RBM6: variants seen among roughly 807,000 people sequenced by gnomAD.
RBM6 encodes RNA binding motif protein 6, also known as RNA-binding protein 6.
A neutral mutation model predicts 140.4 loss-of-function variants in RBM6; 23 were observed. That is an observed-to-expected ratio of 0.16 (90% CI 0.12 to 0.23). The LOEUF (loss-of-function observed/expected upper bound fraction) is 0.23. Ranked by LOEUF, RBM6 falls within the 10% of genes least tolerant of loss-of-function variation. The probability of loss-of-function intolerance (pLI) is 1.00; values close to 1 mark genes in which losing one functional copy is unlikely to be tolerated. For synonymous variants in RBM6, 439 were observed against 475.6 expected (o/e 0.92, Z 1.00); for missense variants, 1,139 against 1,386.7 (o/e 0.82, Z 2.84).
intron 1 of RBM6, among the ~76,000 whole-genome samples, chr3:49,955,622 C>T (rs1281285690): frequency 1.3e-5 from 2 of 151,872 alleles, no homozygotes; most frequent in African/African-American, 4.8e-5. Flanking sequence ...GCGGGTGGAT[C>T]ACCTGAGGTT....
chr3:50,014,457 A>G (rs748104055), intron 6 of RBM6, among the ~76,000 whole-genome samples: 3 of 152,218 alleles, frequency 2.0e-5, no homozygotes, highest in Non-Finnish European at 4.4e-5. Context: ...GAAAAAACAA[A>G]CAAGTTGAGA....
chr3:50,001,117 C>T (rs938542531), intron 6 of RBM6, among the ~76,000 whole-genome samples: 3 of 152,080 alleles, frequency 2.0e-5, no homozygotes, highest in South Asian at 2.1e-4. Flanking sequence ...ATAGATTCAA[C>T]CAAATGCTGA....
chr3:50,056,603 T>G (rs2089712757), intron 8 of RBM6, among the ~76,000 whole-genome samples: 1 of 152,166 alleles, frequency 6.6e-6, no homozygotes, highest in Non-Finnish European at 1.5e-5. Flanking sequence ...CATGAATAGA[T>G]AGTGTATGAA....
intron 6 of RBM6, among the ~76,000 whole-genome samples, chr3:50,048,021 A>G (rs542110098): frequency 1.3e-5 from 2 of 152,324 alleles, no homozygotes; most frequent in South Asian, 4.1e-4. Flanking sequence ...CCAAGGCCGA[A>G]GACTGATTTC....
chr3:50,045,404 C>G (rs111918449), intron 6 of RBM6, among the ~76,000 whole-genome samples: 1 of 152,264 alleles, frequency 6.6e-6, no homozygotes, highest in African/African-American at 2.4e-5. Flanking sequence ...ACCAGGTCCT[C>G]CAGGGATAGT....
chr3:50,012,558 C>T (rs984158162), intron 6 of RBM6, among the ~76,000 whole-genome samples: 28 of 151,438 alleles, frequency 1.8e-4, no homozygotes, highest in Admixed American at 9.9e-4. Context: ...GGGGTTTCAC[C>T]GTGTTAGCCA....
At chr3:50,026,004 C>A (rs2087794763) in intron 6 of RBM6, among the ~76,000 whole-genome samples, 1 of 151,992 alleles carries the variant, frequency 6.6e-6, no homozygotes, top group African/African-American at 2.4e-5. Flanking sequence ...CGAGGCAGAA[C>A]TGCTTGGAGA....
intron 5 of RBM6, among the ~76,000 whole-genome samples, chr3:49,984,343 A>C (rs1428826908): frequency 1.3e-5 from 2 of 152,180 alleles, no homozygotes; most frequent in Non-Finnish European, 2.9e-5. Context: ...ATGGTAGCTC[A>C]CGCCTATAAT....
chr3:49,987,580 G>T (rs1172134971), intron 5 of RBM6, among the ~76,000 whole-genome samples: 2 of 151,734 alleles, frequency 1.3e-5, no homozygotes, highest in Non-Finnish European at 2.9e-5. Flanking sequence ...ACCTCCCAAA[G>T]TCCTGGGATT....
In RBM6 at chr3:50,075,336, A is replaced by C. The variant is rs1559662509; in HGVS notation, c.3246+6A>C. 6.2e-7 allele frequency: 1 copy of C among 1,607,598 alleles called. No individual in the cohort carries two copies. The highest frequency in any genetic ancestry group is 8.5e-7 in the Non-Finnish European group (1 of 1,176,374). ...GATTGGCTTCATCAGAGGAGGTAAA[A>C]TGGTTTCCATCTTTTGGGGGGTGAC... On this transcript the variant is annotated splice_donor_region_variant and intron_variant, in intron 20 of 20. Coordinates refer to ENST00000266022, the MANE Select transcript of RBM6 (RefSeq NM_005777.3).
chr3:49,941,186 G>A (rs2083266987), intron 1 of RBM6: 1 of 152,130 alleles, frequency 6.6e-6, no homozygotes, highest in African/African-American at 2.4e-5. Flanking sequence ...GGTGTCAAGA[G>A]CTGGTGCGTG....
In RBM6 at chr3:49,986,161, A is replaced by AT. The variant is rs1277418533; in HGVS notation, c.1483+10781dup. 6.2e-3 allele frequency among the ~76,000 whole-genome samples: 860 copies of AT among 138,472 alleles called. 4 individuals carry two copies. Among genetic ancestry groups the AT allele is most frequent in the South Asian group, 0.014 (62 of 4,330 alleles). The allele number at this position is 138,472 out of a possible 152,430, so 90.8% of individuals were successfully genotyped here. ...GCCACCAAGCCTAAGTAATTTTTGTATTTTTTTTTTTTAGTAGAGACGGGG... is the reference window on the plus strand; with the variant it reads ...GCCACCAAGCCTAAGTAATTTTTGTATTTTTTTTTTTTTAGTAGAGACGGGG... On this transcript the variant is annotated intron_variant, in intron 5 of 20. Coordinates refer to ENST00000266022, the MANE Select transcript of RBM6 (RefSeq NM_005777.3).
chr3:50,032,482 CAAAA>C (rs10648927), intron 6 of RBM6, among the ~76,000 whole-genome samples: 2 of 58,364 alleles, frequency 3.4e-5, no homozygotes, highest in Admixed American at 2.0e-4. Flanking sequence ...GACTCCATCT[CAAAA>C]AAAAAAAAAA....
At chr3:50,076,196 T>C (rs2090454077) in intron 20 of RBM6, among the ~76,000 whole-genome samples, 1 of 151,458 alleles carries the variant, frequency 6.6e-6, no homozygotes, top group Non-Finnish European at 1.5e-5. Context: ...CTCGAACTCC[T>C]GGCCTCAAGT....
At chr3:49,957,867 T>C (rs1263601939) in intron 1 of RBM6, among the ~76,000 whole-genome samples, 1 of 151,208 alleles carries the variant, frequency 6.6e-6, no homozygotes, top group Non-Finnish European at 1.5e-5. Flanking sequence ...AGTCTCGCTC[T>C]TTCGCCCAGG....
At chr3:50,025,268 C>T (rs916342769) in intron 6 of RBM6, among the ~76,000 whole-genome samples, 1 of 151,552 alleles carries the variant, frequency 6.6e-6, no homozygotes, top group Non-Finnish European at 1.5e-5. Flanking sequence ...TCTAAAAATA[C>T]AAAAATTAGC....
chr3:49,963,503 C>G (rs918712827), intron 2 of RBM6, among the ~76,000 whole-genome samples: 2 of 152,182 alleles, frequency 1.3e-5, no homozygotes, highest in Non-Finnish European at 2.9e-5. Context: ...GCAAAATTTA[C>G]ATAAATGTTT....
intron 7 of RBM6, among the ~76,000 whole-genome samples, chr3:50,052,986 GGTGTGTGTGTGT>G (rs57244510): frequency 0.027 from 3,613 of 134,676 alleles, 152 homozygotes; most frequent in African/African-American, 0.087. Context: ...AGTGGGCAGG[GGTGTGTGTGTGT>G]GTGTGTGTGT....
At chr3:50,067,380 A>G (rs922222294) in intron 17 of RBM6, among the ~76,000 whole-genome samples, 3 of 152,140 alleles carry the variant, frequency 2.0e-5, no homozygotes, top group Non-Finnish European at 2.9e-5. Flanking sequence ...TAGGGTGCCA[A>G]ATATGGAGGA....
Sources: gnomAD v4.1 joint callset for allele counts (sites outside exome capture counted in the v4.1 genomes callset) on GRCh38, gnomAD v4.1.1 for gene constraint, MANE v1.5 for transcripts, NCBI Gene and HGNC (gene_info 2026-07-23, HGNC 2026-07-21) for gene names.